Variants in SPAG16 observed in about 807,000 individuals in gnomAD.
SPAG16 encodes the protein sperm-associated antigen 16 protein.
A neutral mutation model predicts 80.4 loss-of-function variants in SPAG16; 86 were observed. The observed-to-expected ratio is 1.07, with a 90% confidence interval of 0.90 to 1.28. SPAG16 has a LOEUF of 1.28. SPAG16 is among the 50% of genes most tolerant of loss of function. The probability of loss-of-function intolerance (pLI) is 0.00; values close to 1 mark genes in which losing one functional copy is unlikely to be tolerated. For synonymous variants in SPAG16, 294 were observed against 265.9 expected, an observed-to-expected ratio of 1.11 and a Z score of -1.03; for missense variants, 870 against 765.3, an observed-to-expected ratio of 1.14 and a Z score of -1.61.
At chr2:213,398,690 C>T (rs555253326) in intron 9 of SPAG16, among the ~76,000 whole-genome samples, 3 of 152,308 alleles carry the variant, frequency 2.0e-5, no homozygotes, top group South Asian at 4.1e-4. Flanking sequence ...TTCACTGGCA[C>T]TTCTTTGGCC....
At chr2:213,668,733 C>T (rs138275744) in intron 10 of SPAG16, among the ~76,000 whole-genome samples, 445 of 152,222 alleles carry the variant, frequency 2.9e-3, no homozygotes, top group Non-Finnish European at 5.0e-3. Context: ...ACTGCAACCT[C>T]CACCTCCCGG....
intron 12 of SPAG16, among the ~76,000 whole-genome samples, chr2:213,934,147 C>G (rs1451877572): frequency 6.6e-6 from 1 of 152,142 alleles, no homozygotes; most frequent in Admixed American, 6.5e-5. Context: ...CAGCCATGGT[C>G]CAATCAAGGA....
intron 11 of SPAG16, among the ~76,000 whole-genome samples, chr2:213,903,705 G>C (rs542776177): frequency 6.6e-6 from 1 of 152,290 alleles, no homozygotes; most frequent in South Asian, 2.1e-4. Context: ...CAGCTGGCTT[G>C]ACTCTCTCCC....
chr2:214,222,229 G>C (rs1201679823), intron 15 of SPAG16, among the ~76,000 whole-genome samples: 1 of 147,170 alleles, frequency 6.8e-6, no homozygotes, highest in East Asian at 2.0e-4. Context: ...CGAGTCTCCT[G>C]ACTCAGCCTC....
intron 15 of SPAG16, among the ~76,000 whole-genome samples, chr2:214,272,862 A>AC (rs35069430): frequency 0.41 from 61,917 of 151,688 alleles, 14,832 homozygotes; most frequent in South Asian, 0.56. Context: ...CTGAGGAATC[A>AC]CCACACTGTC....
At chr2:214,213,176 T>A (rs1459980406) in intron 15 of SPAG16, among the ~76,000 whole-genome samples, 1 of 152,196 alleles carries the variant, frequency 6.6e-6, no homozygotes, top group Non-Finnish European at 1.5e-5. Flanking sequence ...TTTCCCAGTT[T>A]CTCACACACA....
chr2:213,793,306 C>T (rs2125615216), intron 10 of SPAG16, among the ~76,000 whole-genome samples: 1 of 152,128 alleles, frequency 6.6e-6, no homozygotes, highest in Admixed American at 6.5e-5. Flanking sequence ...CTAAGATAAA[C>T]AGTACCCCAA....
intron 10 of SPAG16, among the ~76,000 whole-genome samples, chr2:213,742,107 G>T (rs1201613639): frequency 1.3e-5 from 2 of 148,800 alleles, no homozygotes; most frequent in Non-Finnish European, 3.0e-5. Context: ...TCTGCCATCT[G>T]GTTTTGTACT....
chr2:214,068,823 A>G (rs2050649371), intron 13 of SPAG16, among the ~76,000 whole-genome samples: 1 of 152,202 alleles, frequency 6.6e-6, no homozygotes, highest in East Asian at 1.9e-4. Context: ...TATAACGGAG[A>G]GCCCAAGAAC....
intron 10 of SPAG16, among the ~76,000 whole-genome samples, chr2:213,499,575 G>T (rs928612639): frequency 1.3e-5 from 2 of 152,086 alleles, no homozygotes; most frequent in Non-Finnish European, 2.9e-5. Context: ...ATCACCAGCT[G>T]TCACCCTCTC....
chr2:213,980,500 T>C lies in SPAG16; in HGVS notation c.1401-33451T>C, dbSNP rs973687527. On this transcript the variant is annotated intron_variant, in intron 12 of 15. Transcript: ENST00000331683. ...GTATATATATAATATATATAGAATA[T>C]ATGTGTATATATAATATATATAGAA... Among the ~76,000 whole-genome samples the C allele has an allele frequency of 8.1e-4, 113 of 139,094 alleles. 1 individual carries two copies. Among genetic ancestry groups the C allele is most frequent in the Middle Eastern group, 3.6e-3 (1 of 274 alleles). 91.3% of individuals were successfully genotyped at this position (139,094 alleles called of 152,430 possible). A position where few individuals can be genotyped will look rare whatever the true frequency, so the allele number is the denominator to read the frequency against.
At chr2:213,882,544 G>T (rs566839495) in intron 11 of SPAG16, among the ~76,000 whole-genome samples, 2 of 152,118 alleles carry the variant, frequency 1.3e-5, no homozygotes, top group Admixed American at 6.5e-5. Flanking sequence ...GAGATTATTT[G>T]GTTCTAGTAA....
At chr2:213,909,972 A>G (rs1202808170) in intron 11 of SPAG16, among the ~76,000 whole-genome samples, 1 of 152,222 alleles carries the variant, frequency 6.6e-6, no homozygotes, top group Non-Finnish European at 1.5e-5. Flanking sequence ...TAATATTTTT[A>G]TGTAATCTAA....
At chr2:214,407,994 G>GA (rs113350347) in intron 15 of SPAG16, among the ~76,000 whole-genome samples, 28,637 of 151,928 alleles carry the variant, frequency 0.19, 3,390 homozygotes, top group African/African-American at 0.32. Flanking sequence ...AGGTAAACTT[G>GA]AAAAACCGCA....
At chr2:214,361,732 C>T (rs1699196274) in intron 15 of SPAG16, among the ~76,000 whole-genome samples, 1 of 151,790 alleles carries the variant, frequency 6.6e-6, no homozygotes, top group South Asian at 2.1e-4. Context: ...TTTTTAGCTC[C>T]TGTCCTTTTA....
At chr2:213,493,867 C>T (rs976790068) in intron 10 of SPAG16, among the ~76,000 whole-genome samples, 1 of 152,198 alleles carries the variant, frequency 6.6e-6, no homozygotes, top group Non-Finnish European at 1.5e-5. Flanking sequence ...CTCATTGTCT[C>T]TAAGGAGGCT....
At chr2:214,331,773 A>G (rs1370947053) in intron 15 of SPAG16, among the ~76,000 whole-genome samples, 1 of 152,190 alleles carries the variant, frequency 6.6e-6, no homozygotes, top group Non-Finnish European at 1.5e-5. Flanking sequence ...TTCTGTGAAG[A>G]AGGTCTCTAG....
intron 12 of SPAG16, among the ~76,000 whole-genome samples, chr2:213,976,819 TTTTG>T (rs376198526): frequency 0.012 from 1,886 of 151,990 alleles, 35 homozygotes; most frequent in African/African-American, 0.042. Flanking sequence ...TTGGAAGTGG[TTTTG>T]TTTGTTTGTT....
At position 213,577,805 on chromosome 2, in the gene SPAG16, A is replaced by G. The variant is rs1158896385; in HGVS notation, c.1070+87715A>G. On this transcript the variant is annotated intron_variant, in intron 10 of 15. Transcript: ENST00000331683. ...TGAAGTCCAGCTGGGCATTCTGGAGACAAATGCTGAGACTTCTGAGATATT... is the reference window on the plus strand; with the variant it reads ...TGAAGTCCAGCTGGGCATTCTGGAGGCAAATGCTGAGACTTCTGAGATATT... Among the ~76,000 whole-genome samples, 3 of 152,264 alleles carry G rather than the reference A, an allele frequency of 2.0e-5. No homozygotes were observed. In the East Asian group the frequency reaches 5.8e-4, roughly 29 times the overall value.
Sources: gnomAD v4.1 joint callset for allele counts (sites outside exome capture counted in the v4.1 genomes callset) on GRCh38, gnomAD v4.1.1 for gene constraint, MANE v1.5 for transcripts, NCBI Gene and HGNC (gene_info 2026-07-23, HGNC 2026-07-21) for gene names.